NUP155: variants seen among roughly 807,000 people sequenced by gnomAD.
NUP155 encodes the protein nucleoporin 155.
Under a neutral mutation model 180.4 loss-of-function variants are expected in NUP155, and 71 were observed. The observed-to-expected ratio is 0.39, with a 90% CI of 0.33 to 0.48. The LOEUF (loss-of-function observed/expected upper bound fraction) is 0.48, where lower values mean the gene tolerates loss of function less well. NUP155 is among the 20% of genes least tolerant of loss of function. The pLI is 0.91. For missense variants in NUP155, 1,553 were observed against 1,648.9 expected (o/e 0.94, Z 1.01); for synonymous variants, 582 against 559.5 (o/e 1.04, Z -0.57).
intron 9 of NUP155, among the ~76,000 whole-genome samples, chr5:37,344,786 T>G (rs1047172705): frequency 6.6e-6 from 1 of 150,742 alleles, no homozygotes; most frequent in African/African-American, 2.4e-5. Flanking sequence ...GCAGGAGAAC[T>G]GCTTGAACCC....
chr5:37,362,298 T>G (rs1747274995), intron 3 of NUP155, among the ~76,000 whole-genome samples: 1 of 152,084 alleles, frequency 6.6e-6, no homozygotes, highest in African/African-American at 2.4e-5. Flanking sequence ...AGTGTTTTTT[T>G]TTTTTTGAGA....
intron 4 of NUP155, among the ~76,000 whole-genome samples, chr5:37,357,742 C>G (rs1425217328): frequency 6.6e-6 from 1 of 152,064 alleles, no homozygotes; most frequent in Non-Finnish European, 1.5e-5. Context: ...ATCTGTAATC[C>G]CAGCACTTTG....
intron 22 of NUP155, among the ~76,000 whole-genome samples, chr5:37,313,117 T>C (rs1339599160): frequency 1.3e-5 from 2 of 152,136 alleles, no homozygotes; most frequent in African/African-American, 4.8e-5. Context: ...TTTCCTACAG[T>C]GATAAATATC....
intron 9 of NUP155, among the ~76,000 whole-genome samples, chr5:37,347,343 C>A (rs1746160939): frequency 6.6e-6 from 1 of 152,108 alleles, no homozygotes; most frequent in African/African-American, 2.4e-5. Flanking sequence ...ACACGTCAAG[C>A]TGTACTTTAC....
At chr5:37,335,579 A>G (rs1341722671) in intron 12 of NUP155, among the ~76,000 whole-genome samples, 1 of 152,090 alleles carries the variant, frequency 6.6e-6, no homozygotes, top group Non-Finnish European at 1.5e-5. Context: ...TATAGACATC[A>G]TTTATCACTC....
chr5:37,295,645 C>T (rs1282767913), intron 32 of NUP155, among the ~76,000 whole-genome samples: 1 of 147,504 alleles, frequency 6.8e-6, no homozygotes, highest in South Asian at 2.2e-4. Context: ...AAGTGAGGAG[C>T]GTCTCTGCCC....
In NUP155 at chr5:37,351,366, AAAG is replaced by A; in HGVS notation, c.557-13_557-11del. On this transcript the variant is annotated splice_polypyrimidine_tract_variant and intron_variant, in intron 5 of 34. Transcript: ENST00000231498. ...TTAAGAACTCCAGAACCTATTTAAG[AAAG>A]AATACATAAATCAGTTTATTAGCTA... 1 of 1,599,184 alleles carries A rather than the reference AAAG, an allele frequency of 6.3e-7. No individual in the cohort carries two copies. The highest frequency in any genetic ancestry group is 8.6e-7 in the Non-Finnish European group (1 of 1,167,124).
At chr5:37,366,662 CTTTT>C (rs34947301) in intron 1 of NUP155, among the ~76,000 whole-genome samples, 4 of 119,294 alleles carry the variant, frequency 3.4e-5, no homozygotes, top group Admixed American at 8.5e-5. Flanking sequence ...TAGTCTCAAT[CTTTT>C]TTTTTTTTTT....
intron 5 of NUP155, among the ~76,000 whole-genome samples, 177 bp downstream of exon 5, chr5:37,352,560 C>G (rs1460606223): frequency 6.6e-6 from 1 of 151,900 alleles, no homozygotes; most frequent in African/African-American, 2.4e-5. Context: ...CAAAACAAAA[C>G]AAAACAAAAA....
In NUP155 at chr5:37,371,069, A is replaced by G; in HGVS notation, c.-92T>C. 1.4e-6 allele frequency: 2 copies of G among 1,408,464 alleles called. No homozygotes were observed. Among genetic ancestry groups the G allele is most frequent in the Non-Finnish European group, 2.0e-6 (2 of 1,020,022 alleles). 87.2% of individuals were successfully genotyped at this position (1,408,464 alleles called of 1,614,324 possible). ...AGAAGTTAGCTTAGATCCGCCGCCT[A>G]GGGCGCGCGCGCCAAACGAGCGCCT... On this transcript the variant is annotated 5_prime_UTR_variant, in exon 1 of 35. Coordinates refer to ENST00000231498, the MANE Select transcript of NUP155 (RefSeq NM_153485.3).
chr5:37,348,646 A>G (rs376582812), intron 8 of NUP155, 50 bp from the exon 9 acceptor site: 110 of 1,016,590 alleles, frequency 1.1e-4, no homozygotes, highest in Non-Finnish European at 1.6e-4. Context: ...TACTATACAC[A>G]TATTATTAAA....
At position 37,292,877 on chromosome 5, in the gene NUP155, A is replaced by G. The variant is rs755293442; in HGVS notation, c.4037+2T>C. 1.3e-6 allele frequency: 2 copies of G among 1,568,090 alleles called. No individual in the cohort carries two copies. Among genetic ancestry groups the G allele is most frequent in the Non-Finnish European group, 1.8e-6 (2 of 1,138,854 alleles). On this transcript the variant is annotated splice_donor_variant, in intron 34 of 34. Coordinates refer to ENST00000231498, the MANE Select transcript of NUP155 (RefSeq NM_153485.3). LOFTEE classifies it high-confidence loss of function. ...CTGATCCAATATTTAATTCATAAGTACCTTTCACAATTTAAAACTTGGCTG... is the reference window on the plus strand; with the variant it reads ...CTGATCCAATATTTAATTCATAAGTGCCTTTCACAATTTAAAACTTGGCTG...
intron 28 of NUP155, 61 bp downstream of exon 28, chr5:37,303,199 A>C: frequency 6.4e-7 from 1 of 1,573,768 alleles, no homozygotes; most frequent in Non-Finnish European, 8.7e-7. Flanking sequence ...AAGAAAACTG[A>C]ATGTAAGTAC....
At chr5:37,337,981 A>G in intron 11 of NUP155, 63 bp from the exon 12 acceptor site, 1 of 1,045,086 alleles carries the variant, frequency 9.6e-7, no homozygotes, top group Non-Finnish European at 1.5e-6. Flanking sequence ...AATAACCTTA[A>G]TAATTATTAG....
In NUP155 at chr5:37,327,446, C is replaced by T. The variant is rs1744673958; in HGVS notation, c.2024+183G>A. Among the ~76,000 whole-genome samples, 3 of 152,062 alleles carry T rather than the reference C, an allele frequency of 2.0e-5. No homozygotes were observed. In the South Asian group the frequency reaches 6.2e-4, roughly 31 times the overall value. ...TTATGAGAGAGTAAGAGAAATAAAA[C>T]ACAGCAATGAATATAGTTAGATAAC... is the stretch of plus-strand genomic sequence containing the variant. On this transcript the variant is annotated intron_variant, in intron 18 of 34. Coordinates refer to ENST00000231498, the MANE Select transcript of NUP155 (RefSeq NM_153485.3).
In NUP155 at chr5:37,299,675, A is replaced by C. The variant is rs988467530; in HGVS notation, c.3562-107T>G. On this transcript the variant is annotated intron_variant, in intron 30 of 34. Coordinates refer to ENST00000231498, the MANE Select transcript of NUP155 (RefSeq NM_153485.3). ...AAAAATAACCAAAGATTTTACATAA[A>C]GTTTCTGAAATATGATATAAAGATG... is the stretch of plus-strand genomic sequence containing the variant. 8.8e-6 allele frequency: 10 copies of C among 1,140,886 alleles called. No homozygotes were observed. In the African/African-American group the frequency reaches 1.2e-4, roughly 14 times the overall value. 70.7% of individuals were successfully genotyped at this position (1,140,886 alleles called of 1,614,324 possible).
In NUP155 at chr5:37,351,251, G is replaced by C; in HGVS notation, c.662C>G (p.Thr221Ser). The change falls in exon 6 of 35, where the codon ACT (threonine) becomes AGT (serine). Residue 221 changes from threonine to serine, a missense_variant. Physicochemically the swap from Thr to Ser is moderately conservative, Grantham distance 58 (BLOSUM62 1). Coordinates refer to ENST00000231498, the MANE Select transcript of NUP155 (RefSeq NM_153485.3). ...DNTYLLTITS[T>S]DNGRIFLAGK... ...AGCCAAGAAAATTCTGCCATTATCA[G>C]TGGAAGTTATTGTTAAAAGGTAAGT... The C allele has an allele frequency of 6.2e-7, 1 of 1,613,646 alleles. No individual in the cohort carries two copies. The highest frequency in any genetic ancestry group is 8.5e-7 in the Non-Finnish European group (1 of 1,179,700).
chr5:37,302,885 C>T lies in NUP155; in HGVS notation c.3341G>A (p.Arg1114Gln), dbSNP rs769104989. The stretch of plus-strand genomic sequence containing the variant: ...AATGGCTCGAGCAATGTACTCTAGT[C>T]GCTGCTGAAGTGAAATTTCTGTGCT... Reference protein sequence around the residue: ...MHSTEISLQQRLEYIARAILS... With the variant: ...MHSTEISLQQQLEYIARAILS... Residue 1114 changes from arginine (R) to glutamine (Q), a missense_variant, in exon 29 of 35, where the codon CGA (arginine) becomes CAA (glutamine). Physicochemically the swap from Arg to Gln is conservative, Grantham distance 43. Transcript: ENST00000231498. 8 of 1,613,720 alleles carry T rather than the reference C, an allele frequency of 5.0e-6. No individual in the cohort carries two copies. Among genetic ancestry groups the T allele is most frequent in the East Asian group, 4.5e-5 (2 of 44,866 alleles).
At chr5:37,332,408 G>A (rs1285917421) in intron 13 of NUP155, among the ~76,000 whole-genome samples, 2 of 135,306 alleles carry the variant, frequency 1.5e-5, no homozygotes, top group East Asian at 2.4e-4. Context: ...TGCAAGCTCC[G>A]CCTCCCGGGT....
Sources: allele counts gnomAD v4.1 joint callset (sites outside exome capture counted in the v4.1 genomes callset), GRCh38; gene constraint gnomAD v4.1.1; transcripts MANE v1.5; gene names NCBI Gene and HGNC (gene_info 2026-07-23, HGNC 2026-07-21).